FHIP1A: variants seen among roughly 807,000 people sequenced by gnomAD.
FHIP1A encodes FHF complex subunit HOOK-interacting protein 1A.
A neutral mutation model predicts 88.6 loss-of-function variants in FHIP1A; 61 were observed. That is an observed-to-expected ratio of 0.69 (90% confidence interval 0.56 to 0.85). The LOEUF (loss-of-function observed/expected upper bound fraction) is 0.85, where lower values mean the gene tolerates loss of function less well. Ranked by LOEUF, FHIP1A falls within the 40% of genes least tolerant of loss-of-function variation. FHIP1A has a pLI of 0.00. For synonymous variants in FHIP1A, 478 were observed against 496.0 expected, an observed-to-expected ratio of 0.96 and a Z score of 0.48; for missense variants, 1,154 against 1,273.5, an observed-to-expected ratio of 0.91 and a Z score of 1.43.
chr4:151,485,293 T>C (rs1262130954), intron 3 of FHIP1A, among the ~76,000 whole-genome samples: 1 of 150,748 alleles, frequency 6.6e-6, no homozygotes, highest in East Asian at 1.9e-4. Flanking sequence ...TTTTTTTTTT[T>C]TTTTTTTTTG....
intron 7 of FHIP1A, among the ~76,000 whole-genome samples, chr4:151,598,360 AC>A (rs1372893143): frequency 6.6e-6 from 1 of 152,122 alleles, no homozygotes; most frequent in African/African-American, 2.4e-5. Flanking sequence ...GGTAGGCTGC[AC>A]CCACTGTCTA....
intron 3 of FHIP1A, among the ~76,000 whole-genome samples, chr4:151,489,858 C>G (rs2126645495): frequency 6.6e-6 from 1 of 152,258 alleles, no homozygotes; most frequent in East Asian, 1.9e-4. Context: ...AACCCTGTCC[C>G]CACCTGATGT....
At chr4:151,422,027 T>A (rs950149022) in intron 1 of FHIP1A, among the ~76,000 whole-genome samples, 3 of 152,014 alleles carry the variant, frequency 2.0e-5, no homozygotes, top group African/African-American at 7.2e-5. Context: ...GCCTATTTTT[T>A]CCTTGGCTGC....
At chr4:151,481,692 A>G (rs1409724768) in intron 2 of FHIP1A, among the ~76,000 whole-genome samples, 1 of 152,088 alleles carries the variant, frequency 6.6e-6, no homozygotes, top group Admixed American at 6.6e-5. Context: ...TTATTTCCTT[A>G]AAAAATGTAC....
chr4:151,516,105 G>A (rs997920864), intron 3 of FHIP1A, among the ~76,000 whole-genome samples: 5 of 152,230 alleles, frequency 3.3e-5, no homozygotes, highest in East Asian at 1.9e-4. Context: ...AAACAGAGAT[G>A]TAGATCAATG....
chr4:151,462,280 C>T (rs1366704943), intron 2 of FHIP1A, among the ~76,000 whole-genome samples: 1 of 152,176 alleles, frequency 6.6e-6, no homozygotes, highest in Non-Finnish European at 1.5e-5. Context: ...CATGGGTTCA[C>T]ATTGTTCCCT....
intron 13 of FHIP1A, among the ~76,000 whole-genome samples, chr4:151,660,406 T>G (rs7340863): frequency 7.6e-5 from 9 of 118,572 alleles, no homozygotes; most frequent in African/African-American, 3.0e-4. Context: ...GGGAAGAGAA[T>G]GAATGAATTT....
intron 7 of FHIP1A, among the ~76,000 whole-genome samples, chr4:151,615,069 G>A (rs1735468470): frequency 6.6e-6 from 1 of 152,168 alleles, no homozygotes; most frequent in Non-Finnish European, 1.5e-5. Flanking sequence ...TTGGCAGAAG[G>A]ATGGCAGGGA....
intron 7 of FHIP1A, among the ~76,000 whole-genome samples, chr4:151,620,142 G>A (rs1238261839): frequency 1.3e-5 from 2 of 152,168 alleles, no homozygotes; most frequent in African/African-American, 2.4e-5. Flanking sequence ...TTATTGGAAA[G>A]GCACAAGCTT....
chr4:151,570,497 A>G (rs1733560183), intron 4 of FHIP1A, among the ~76,000 whole-genome samples: 1 of 152,164 alleles, frequency 6.6e-6, no homozygotes, highest in South Asian at 2.1e-4. Flanking sequence ...ACTGGAGCGC[A>G]GTGGCTATTC....
intron 3 of FHIP1A, among the ~76,000 whole-genome samples, chr4:151,540,386 C>T (rs1328972769): frequency 2.6e-5 from 4 of 152,160 alleles, no homozygotes; most frequent in African/African-American, 9.7e-5. Context: ...AGAAATACCT[C>T]ATATATTTTT....
chr4:151,669,619 A>G lies in FHIP1A; in HGVS notation c.*6865A>G, dbSNP rs1737788071. ...TAATTCAGACTTGCAGAGTGAGGAG[A>G]GAACTGCTTCAGCCTTACTGTCTTG... is the stretch of plus-strand genomic sequence containing the variant. On this transcript the variant is annotated 3_prime_UTR_variant, in exon 14 of 14. Coordinates refer to ENST00000435205, the MANE Select transcript of FHIP1A (RefSeq NM_001109977.3). Among the ~76,000 whole-genome samples the G allele has an allele frequency of 6.6e-6, 1 of 152,168 alleles. No homozygotes were observed. Among genetic ancestry groups the G allele is most frequent in the Non-Finnish European group, 1.5e-5 (1 of 68,036 alleles).
rs1480157085 is a variant in FHIP1A, at chr4:151,650,066, GA to G, written c.2026del (p.Ser676ValfsTer53). 1.3e-6 allele frequency: 2 copies of G among 1,551,690 alleles called. No individual in the cohort carries two copies. The highest frequency in any genetic ancestry group is 2.7e-5 in the African/African-American group (2 of 73,158). Reference protein sequence around the residue: ...PPAEAQAEVQSVPINNGPLLS... With the variant: ...PPAEAQAEVQXVPINNGPLLS... ...CAGCTGAAGCCCAGGCTGAAGTTCA[GA>G]GTGTCCCCATCAACAACGGCCCCCT... On this transcript the variant is annotated frameshift_variant, in exon 11 of 14. Coordinates refer to ENST00000435205, the MANE Select transcript of FHIP1A (RefSeq NM_001109977.3). LOFTEE classifies it high-confidence loss of function.
Position 151,577,510 on chromosome 4 carries a change from A to G in FHIP1A, c.166A>G (p.Ile56Val), listed in dbSNP as rs577876560. 5.5e-5 allele frequency: 85 copies of G among 1,551,552 alleles called. No homozygotes were observed. The highest frequency in any genetic ancestry group is 5.0e-4 in the Middle Eastern group (3 of 5,988). ...GAACACCCAGGCAAAATATGGGTCT[A>G]TCCCTCCAGATGAGGCCAGTGCCGT... ...LKNTQAKYGS[I>V]PPDEASAVQN... is the part of the protein sequence containing the mutation. The change falls in exon 5 of 14, where the codon ATC becomes GTC. Residue 56 changes from isoleucine to valine, a missense_variant. Coordinates refer to ENST00000435205, the MANE Select transcript of FHIP1A (RefSeq NM_001109977.3).
chr4:151,614,032 G>A (rs561593695), intron 7 of FHIP1A, among the ~76,000 whole-genome samples: 132 of 151,796 alleles, frequency 8.7e-4, no homozygotes, highest in Non-Finnish European at 1.6e-3. Context: ...GTGTGGTGGC[G>A]CACGCCTGTA....
chr4:151,517,420 G>A (rs963689343), intron 3 of FHIP1A, among the ~76,000 whole-genome samples: 2 of 151,980 alleles, frequency 1.3e-5, no homozygotes, highest in African/African-American at 4.8e-5. Flanking sequence ...CCTGCACATT[G>A]TGCACATGTA....
intron 3 of FHIP1A, among the ~76,000 whole-genome samples, chr4:151,551,973 C>A (rs990007154): frequency 1.3e-5 from 2 of 152,052 alleles, no homozygotes; most frequent in Non-Finnish European, 2.9e-5. Flanking sequence ...AGAACTCAAA[C>A]AAATTTACAA....
intron 11 of FHIP1A, among the ~76,000 whole-genome samples, chr4:151,651,880 A>G (rs1016241692): frequency 2.0e-5 from 3 of 152,238 alleles, no homozygotes; most frequent in South Asian, 4.1e-4. Context: ...TTTCAGTCTG[A>G]ATGAGTTTTA....
chr4:151,477,779 A>C (rs1338216507), intron 2 of FHIP1A, among the ~76,000 whole-genome samples: 1 of 151,900 alleles, frequency 6.6e-6, no homozygotes. Flanking sequence ...TTACAACTAC[A>C]CCGAGGTACC....
Sources: allele counts gnomAD v4.1 joint callset (sites outside exome capture counted in the v4.1 genomes callset), GRCh38; gene constraint gnomAD v4.1.1; transcripts MANE v1.5; gene names NCBI Gene and HGNC (gene_info 2026-07-23, HGNC 2026-07-21).